Variants in ACYP2 observed in about 807,000 individuals in gnomAD.
The protein encoded by ACYP2 is acylphosphatase-2.
A neutral mutation model predicts 11.2 loss-of-function variants in ACYP2; 12 were observed. The ratio of observed to expected loss-of-function variants is 1.08; its 90% CI spans 0.69 to 1.74. The LOEUF (loss-of-function observed/expected upper bound fraction) is 1.74. Among genes scored for constraint, ACYP2 ranks in the 40% most tolerant of loss-of-function variants. ACYP2 has a pLI of 0.00. For missense variants in ACYP2, 134 were observed against 101.9 expected (o/e 1.31, Z -1.35); for synonymous variants, 43 against 32.2 (o/e 1.33, Z -1.13).
At chr2:54,241,103 G>C (rs1470657530) in intron 6 of ACYP2, among the ~76,000 whole-genome samples, 1 of 152,208 alleles carries the variant, frequency 6.6e-6, no homozygotes, top group Non-Finnish European at 1.5e-5. Context: ...TTCAGCCTTG[G>C]AGCAAGGAGT....
intron 6 of ACYP2, among the ~76,000 whole-genome samples, chr2:54,172,618 T>C (rs1683265658): frequency 6.6e-6 from 1 of 152,172 alleles, no homozygotes; most frequent in African/African-American, 2.4e-5. Flanking sequence ...TTATTTATTA[T>C]TATACTTTAA....
intron 6 of ACYP2, among the ~76,000 whole-genome samples, chr2:54,198,572 TTTTG>T (rs1684615675): frequency 6.6e-6 from 1 of 151,476 alleles, no homozygotes; most frequent in African/African-American, 2.4e-5. Flanking sequence ...CATGGTGTGT[TTTTG>T]TTTGTTTTGT....
chr2:54,004,947 T>G (rs1341367735), intron 2 of ACYP2, among the ~76,000 whole-genome samples: 2 of 151,186 alleles, frequency 1.3e-5, no homozygotes, highest in East Asian at 1.9e-4. Context: ...GCTCTTTGTA[T>G]ATTTTTGATA....
chr2:54,219,877 G>A (rs1475325635), intron 6 of ACYP2, among the ~76,000 whole-genome samples: 4 of 52,570 alleles, frequency 7.6e-5, no homozygotes, highest in East Asian at 2.1e-3. Context: ...GTGTGTGTGT[G>A]TGTGTATATA....
At position 54,014,472 on chromosome 2, in the gene ACYP2, A is replaced by G. The variant is rs371031012; in HGVS notation, c.63-36486A>G. 4.5e-3 allele frequency among the ~76,000 whole-genome samples: 685 copies of G among 151,886 alleles called. 12 individuals are homozygous for G. The highest frequency in any genetic ancestry group is 0.016 in the African/African-American group (665 of 41,406). On this transcript the variant is annotated intron_variant, in intron 2 of 6. Coordinates refer to ENST00000607452, the MANE Select transcript of ACYP2 (RefSeq NM_001320586.2). ...GTAGCTGAGATTACAGGTACCCACC[A>G]CCAGGCCTGGCTAATTTTTTGTATT...
At chr2:54,094,314 G>C (rs1370590743) in intron 4 of ACYP2, among the ~76,000 whole-genome samples, 1 of 144,510 alleles carries the variant, frequency 6.9e-6, no homozygotes, top group Non-Finnish European at 1.5e-5. Flanking sequence ...TGCAAACTTC[G>C]CCTCCCAGGT....
chr2:53,990,059 A>C (rs556477686), intron 2 of ACYP2, among the ~76,000 whole-genome samples: 6 of 147,060 alleles, frequency 4.1e-5, no homozygotes, highest in African/African-American at 1.3e-4. Context: ...GCTCACTGCA[A>C]CCTCTACCTC....
At position 54,237,080 on chromosome 2, in the gene ACYP2, A is replaced by C. The variant is rs748440294; in HGVS notation, c.405-67608A>C. ...ATTTATATAGCATGTATATTGTATT[A>C]GGTATTATAAGTAATCTAGAGATGA... On this transcript the variant is annotated intron_variant, in intron 6 of 6. Transcript: ENST00000607452. 5.1e-4 allele frequency among the ~76,000 whole-genome samples: 78 copies of C among 152,200 alleles called. 1 individual carries two copies. The highest frequency in any genetic ancestry group is 1.8e-4 in the Non-Finnish European group (12 of 68,016).
At chr2:54,269,380 G>A (rs547773058) in intron 6 of ACYP2, among the ~76,000 whole-genome samples, 43 of 152,284 alleles carry the variant, frequency 2.8e-4, no homozygotes, top group African/African-American at 1.0e-3. Flanking sequence ...GTTAAAAGAT[G>A]AAGACCTTTA....
chr2:54,133,878 C>G (rs1300340213), intron 4 of ACYP2, among the ~76,000 whole-genome samples: 1 of 152,144 alleles, frequency 6.6e-6, no homozygotes, highest in Non-Finnish European at 1.5e-5. Context: ...TTCTAGACCA[C>G]CCAAGGTATG....
intron 6 of ACYP2, among the ~76,000 whole-genome samples, chr2:54,240,663 G>A (rs570294127): frequency 9.9e-5 from 15 of 152,248 alleles, no homozygotes; most frequent in East Asian, 7.7e-4. Flanking sequence ...ACTCAGGCTC[G>A]TATTACAAAG....
rs540021527 is a variant in ACYP2 at position 54,094,229 on chromosome 2, ATTTTT to A, written c.277+36881_277+36885del. On this transcript the variant is annotated intron_variant, in intron 4 of 6. Coordinates refer to ENST00000607452, the MANE Select transcript of ACYP2 (RefSeq NM_001320586.2). ...AGAAGACATGGTGGGGAGAAAAAAAATTTTTTTTTTTTTTTTGAGACAGAGTCTTA... is the reference window on the plus strand; with the variant it reads ...AGAAGACATGGTGGGGAGAAAAAAAATTTTTTTTTTTGAGACAGAGTCTTA... Among the ~76,000 whole-genome samples the A allele has an allele frequency of 4.2e-5, 6 of 142,194 alleles. No homozygotes were observed. The Admixed American group carries it at 4.2e-4, about 10-fold the overall frequency. 93.3% of individuals were successfully genotyped at this position (142,194 alleles called of 152,430 possible). A position where few individuals can be genotyped will look rare whatever the true frequency, so the allele number is the denominator to read the frequency against.
chr2:54,025,261 C>T (rs1674219688), intron 2 of ACYP2, among the ~76,000 whole-genome samples: 1 of 152,064 alleles, frequency 6.6e-6, no homozygotes, highest in Admixed American at 6.5e-5. Flanking sequence ...CAAAAAGAAA[C>T]CATATAGCCA....
At chr2:54,095,588 C>CG (rs1678497526) in intron 4 of ACYP2, among the ~76,000 whole-genome samples, 1 of 147,116 alleles carries the variant, frequency 6.8e-6, no homozygotes, top group African/African-American at 2.5e-5. Flanking sequence ...CCCTCCCGGA[C>CG]GGGGCGGCTG....
chr2:54,180,199 G>A (rs1169223196), intron 6 of ACYP2, among the ~76,000 whole-genome samples: 2 of 152,150 alleles, frequency 1.3e-5, no homozygotes, highest in Non-Finnish European at 2.9e-5. Flanking sequence ...GTCTCCAGGT[G>A]CTTAGCTATC....
At chr2:54,256,119 A>G in intron 6 of ACYP2, 1 of 1,614,012 alleles carries the variant, frequency 6.2e-7, no homozygotes, top group Non-Finnish European at 8.5e-7. Context: ...AGTCGAGAGT[A>G]GCGGGGCTGT....
At chr2:54,217,262 C>T (rs1232905974) in intron 6 of ACYP2, among the ~76,000 whole-genome samples, 5 of 152,308 alleles carry the variant, frequency 3.3e-5, no homozygotes, top group African/African-American at 1.2e-4. Flanking sequence ...ATGTCTAATA[C>T]TTGTGGCCAC....
At chr2:54,213,286 C>T (rs2103934710) in intron 6 of ACYP2, among the ~76,000 whole-genome samples, 1 of 152,210 alleles carries the variant, frequency 6.6e-6, no homozygotes, top group African/African-American at 2.4e-5. Flanking sequence ...TTTTTTGTGG[C>T]TGTGTAGTAT....
chr2:54,031,155 T>C (rs1325140119), intron 2 of ACYP2, among the ~76,000 whole-genome samples: 1 of 152,210 alleles, frequency 6.6e-6, no homozygotes, highest in African/African-American at 2.4e-5. Flanking sequence ...CTTTATGTTC[T>C]AGGGTACATG....
Sources: gnomAD v4.1 joint callset for allele counts (sites outside exome capture counted in the v4.1 genomes callset) on GRCh38, gnomAD v4.1.1 for gene constraint, MANE v1.5 for transcripts, NCBI Gene and HGNC (gene_info 2026-07-23, HGNC 2026-07-21) for gene names.